Variants in TAFA2 observed in about 807,000 individuals in gnomAD.
TAFA2 encodes the protein TAFA chemokine like family member 2, also known as chemokine-like protein TAFA-2.
Under a neutral mutation model 18.8 loss-of-function variants are expected in TAFA2, and 7 were observed. That is an observed-to-expected ratio of 0.37 (90% CI 0.21 to 0.70). The LOEUF (loss-of-function observed/expected upper bound fraction) is 0.70, where lower values mean the gene tolerates loss of function less well. TAFA2 is among the 30% of genes least tolerant of loss of function. TAFA2 has a pLI of 0.53. For synonymous variants in TAFA2, 60 were observed against 54.2 expected (o/e 1.11, Z -0.47); for missense variants, 122 against 158.1 (o/e 0.77, Z 1.23).
intron 1 of TAFA2, among the ~76,000 whole-genome samples, chr12:62,066,647 T>C (rs991343564): frequency 6.6e-6 from 1 of 152,150 alleles, no homozygotes; most frequent in African/African-American, 2.4e-5. Context: ...TAACAGGATC[T>C]CATTCTTTTT....
intron 1 of TAFA2, among the ~76,000 whole-genome samples, chr12:62,129,899 T>C (rs1016045395): frequency 5.3e-5 from 8 of 152,004 alleles, no homozygotes; most frequent in African/African-American, 1.9e-4. Flanking sequence ...GTGTGGCAAC[T>C]CTTGAAGATC....
intron 1 of TAFA2, among the ~76,000 whole-genome samples, chr12:62,083,581 A>C (rs1868356006): frequency 6.6e-6 from 1 of 152,230 alleles, no homozygotes; most frequent in African/African-American, 2.4e-5. Flanking sequence ...ATACTTTTAT[A>C]GTTGCAAACC....
intron 2 of TAFA2, among the ~76,000 whole-genome samples, chr12:61,786,080 T>C (rs565723256): frequency 6.6e-6 from 1 of 151,512 alleles, no homozygotes; most frequent in Non-Finnish European, 1.5e-5. Context: ...CATTTGCTTA[T>C]GAGGAAACTA....
chr12:62,152,916 A>G (rs1036948109), intron 1 of TAFA2, among the ~76,000 whole-genome samples: 2 of 152,240 alleles, frequency 1.3e-5, no homozygotes, highest in African/African-American at 4.8e-5. Context: ...GTTGATGTCT[A>G]GCATGACAAA....
chr12:62,172,290 G>A (rs759695969), intron 1 of TAFA2, among the ~76,000 whole-genome samples: 6 of 151,848 alleles, frequency 4.0e-5, no homozygotes, highest in Non-Finnish European at 8.8e-5. Flanking sequence ...AATGTGCCAG[G>A]AAATGTGCAA....
intron 1 of TAFA2, among the ~76,000 whole-genome samples, chr12:61,924,136 G>A (rs1451011174): frequency 1.3e-5 from 2 of 152,098 alleles, no homozygotes; most frequent in African/African-American, 4.8e-5. Context: ...AAGTGACAGG[G>A]AGAAAGGAAC....
chr12:62,005,600 A>T (rs896020752), intron 1 of TAFA2, among the ~76,000 whole-genome samples: 3 of 152,152 alleles, frequency 2.0e-5, no homozygotes, highest in Admixed American at 6.5e-5. Context: ...CACCACACAT[A>T]TTATAGATAA....
intron 1 of TAFA2, among the ~76,000 whole-genome samples, chr12:61,897,373 A>C (rs1437814004): frequency 6.6e-6 from 1 of 152,184 alleles, no homozygotes; most frequent in Non-Finnish European, 1.5e-5. Context: ...CGCAACCATG[A>C]TATAGTAGTC....
At position 61,952,347 on chromosome 12, in the gene TAFA2, TG is replaced by T. The variant is rs576038954; in HGVS notation, c.-1-84922del. Among the ~76,000 whole-genome samples, 25 of 152,308 alleles carry T rather than the reference TG, an allele frequency of 1.6e-4. No individual in the cohort carries two copies. The South Asian group carries it at 5.2e-3, about 32-fold the overall frequency. ...TTCAATGACAAAAGGATTAATAAAA[TG>T]TAAAATATTAAATACTGAAGGTTTA... is the stretch of plus-strand genomic sequence containing the variant. On this transcript the variant is annotated intron_variant, in intron 1 of 4. Transcript: ENST00000416284.
In TAFA2 at chr12:62,010,921, G is replaced by A. The variant is rs1267058411; in HGVS notation, c.-1-143495C>T. Among the ~76,000 whole-genome samples the A allele has an allele frequency of 4.0e-3, 348 of 87,624 alleles. 6 individuals carry two copies. Among genetic ancestry groups the A allele is most frequent in the Middle Eastern group, 9.6e-3 (1 of 104 alleles). The allele number at this position is 87,624 out of a possible 152,430, so 57.5% of individuals were successfully genotyped here. A position where few individuals can be genotyped will look rare whatever the true frequency, so the allele number is the denominator to read the frequency against. On this transcript the variant is annotated intron_variant, in intron 1 of 4. Coordinates refer to ENST00000416284, the MANE Select transcript of TAFA2 (RefSeq NM_178539.5). ...GAGCGCCTCTGCCCGGCCGCCCTTC[G>A]TCTGGGAGGTGGGGAGCGCCTCTGC...
At chr12:61,965,258 T>G (rs1294979960) in intron 1 of TAFA2, among the ~76,000 whole-genome samples, 2 of 151,796 alleles carry the variant, frequency 1.3e-5, no homozygotes, top group Admixed American at 1.3e-4. Context: ...CCCTTTTCAC[T>G]ATGTGAGGAC....
chr12:62,195,666 A>G (rs1297530762), upstream of TAFA2, among the ~76,000 whole-genome samples: 4 of 152,238 alleles, frequency 2.6e-5, no homozygotes, highest in Non-Finnish European at 5.9e-5. Flanking sequence ...TGAAGCCAGT[A>G]GCTCTCAACA....
chr12:62,220,155 G>A (rs1015164666), intron 1 of TAFA2, among the ~76,000 whole-genome samples: 1 of 151,646 alleles, frequency 6.6e-6, no homozygotes, highest in Non-Finnish European at 1.5e-5. Context: ...CTAGAACAAA[G>A]TAAAAGTCAA....
chr12:62,058,996 C>T (rs1015298677), intron 1 of TAFA2, among the ~76,000 whole-genome samples: 5 of 151,722 alleles, frequency 3.3e-5, no homozygotes, highest in East Asian at 3.9e-4. Flanking sequence ...TCAGCTACTC[C>T]GGAGGCTGAG....
intron 1 of TAFA2, among the ~76,000 whole-genome samples, chr12:62,143,100 A>C (rs1418113648): frequency 6.6e-6 from 1 of 152,190 alleles, no homozygotes; most frequent in African/African-American, 2.4e-5. Context: ...GTTTTTAAGG[A>C]GACCTAAGCA....
intron 1 of TAFA2, among the ~76,000 whole-genome samples, chr12:62,131,808 A>C (rs1323599870): frequency 6.6e-6 from 1 of 151,984 alleles, no homozygotes; most frequent in African/African-American, 2.4e-5. Flanking sequence ...ATCACTGTTC[A>C]ACCTATTAAA....
chr12:61,756,700 G>T (rs1368281512), intron 2 of TAFA2, among the ~76,000 whole-genome samples: 2 of 151,850 alleles, frequency 1.3e-5, no homozygotes, highest in African/African-American at 4.8e-5. Context: ...AAATACAGTA[G>T]AGTAGAGTAG....
At chr12:62,034,183 A>G (rs1881538786) in intron 1 of TAFA2, among the ~76,000 whole-genome samples, 1 of 152,180 alleles carries the variant, frequency 6.6e-6, no homozygotes, top group South Asian at 2.1e-4. Flanking sequence ...ACTCCAGGAA[A>G]ACTAAACACA....
intron 1 of TAFA2, among the ~76,000 whole-genome samples, chr12:61,885,206 C>T (rs1875321966): frequency 6.6e-6 from 1 of 152,192 alleles, no homozygotes; most frequent in Non-Finnish European, 1.5e-5. Flanking sequence ...AGACCCATAT[C>T]CAGGTCCTCT....
Sources: gnomAD v4.1 joint callset for allele counts (sites outside exome capture counted in the v4.1 genomes callset) on GRCh38, gnomAD v4.1.1 for gene constraint, MANE v1.5 for transcripts, NCBI Gene and HGNC (gene_info 2026-07-23, HGNC 2026-07-21) for gene names.